KCNAB1: variants seen among roughly 807,000 people sequenced by gnomAD.
KCNAB1 encodes voltage-gated potassium channel subunit beta-1.
Under a neutral mutation model 64.6 loss-of-function variants are expected in KCNAB1, and 35 were observed. The observed-to-expected ratio is 0.54, with a 90% CI of 0.41 to 0.72. KCNAB1 has a LOEUF of 0.72. Among genes scored for constraint, KCNAB1 ranks in the 30% least tolerant of loss-of-function variants. The pLI is 0.00. For missense variants in KCNAB1, 401 were observed against 512.9 expected (o/e 0.78, Z 2.11); for synonymous variants, 177 against 183.8 (o/e 0.96, Z 0.30).
chr3:156,511,387 G>GCCA (rs1394972710), intron 8 of KCNAB1, among the ~76,000 whole-genome samples: 1 of 152,152 alleles, frequency 6.6e-6, no homozygotes, highest in African/African-American at 2.4e-5. Context: ...ACAGGTGTGA[G>GCCA]CCACCGTGCC....
chr3:156,147,332 T>G (rs76827244), intron 1 of KCNAB1, among the ~76,000 whole-genome samples: 3,414 of 152,320 alleles, frequency 0.022, 64 homozygotes, highest in Non-Finnish European at 0.036. Context: ...AATAATATCC[T>G]TGCAATATCC....
At chr3:156,363,821 A>G (rs916204151) in intron 1 of KCNAB1, among the ~76,000 whole-genome samples, 2 of 152,176 alleles carry the variant, frequency 1.3e-5, no homozygotes, top group African/African-American at 4.8e-5. Flanking sequence ...CAAGGCGACT[A>G]CATAAAATGG....
chr3:156,328,777 C>T (rs1052888486), intron 1 of KCNAB1, among the ~76,000 whole-genome samples: 2 of 152,132 alleles, frequency 1.3e-5, no homozygotes, highest in African/African-American at 4.8e-5. Context: ...TTAAGGATTT[C>T]CTTCCAGGGA....
intron 1 of KCNAB1, among the ~76,000 whole-genome samples, chr3:156,235,200 T>A (rs1716777206): frequency 6.6e-6 from 1 of 152,216 alleles, no homozygotes; most frequent in Admixed American, 6.5e-5. Flanking sequence ...GCTTGCCATT[T>A]ACCTTCTTTG....
chr3:156,428,575 TTTG>T (rs1715996136), intron 2 of KCNAB1, among the ~76,000 whole-genome samples: 1 of 150,810 alleles, frequency 6.6e-6, no homozygotes, highest in Admixed American at 6.6e-5. Flanking sequence ...GAGGAGAGAT[TTTG>T]TTGATTTTTT....
intron 8 of KCNAB1, among the ~76,000 whole-genome samples, chr3:156,511,997 A>G (rs887251741): frequency 6.6e-6 from 1 of 152,128 alleles, no homozygotes; most frequent in African/African-American, 2.4e-5. Context: ...CTTCACAAGG[A>G]TGGTTCCTTT....
intron 1 of KCNAB1, among the ~76,000 whole-genome samples, chr3:156,243,784 C>G (rs1358528621): frequency 6.6e-6 from 1 of 152,242 alleles, no homozygotes; most frequent in East Asian, 1.9e-4. Flanking sequence ...ATTTGGAAAG[C>G]AGAGGTAAAG....
At chr3:156,386,328 G>T (rs1466279794) in intron 1 of KCNAB1, among the ~76,000 whole-genome samples, 2 of 152,168 alleles carry the variant, frequency 1.3e-5, no homozygotes, top group Non-Finnish European at 2.9e-5. Context: ...CCTTGCCATT[G>T]ACAGGTGAGC....
intron 1 of KCNAB1, among the ~76,000 whole-genome samples, chr3:156,331,474 C>T (rs1382920178): frequency 3.3e-5 from 5 of 151,564 alleles, no homozygotes; most frequent in Non-Finnish European, 5.9e-5. Flanking sequence ...TTAAAGCTAA[C>T]GTTCAATGTA....
intron 1 of KCNAB1, among the ~76,000 whole-genome samples, chr3:156,296,476 C>CCT (rs1560180770): frequency 3.1e-4 from 34 of 111,042 alleles, no homozygotes; most frequent in East Asian, 8.5e-4. Flanking sequence ...CCCCCCCCAC[C>CCT]TTTTTTTTTT....
At chr3:156,401,206 T>A (rs987715973) in intron 1 of KCNAB1, among the ~76,000 whole-genome samples, 2 of 152,230 alleles carry the variant, frequency 1.3e-5, no homozygotes, top group Non-Finnish European at 2.9e-5. Flanking sequence ...CAAACTGAAG[T>A]AGAATGTAAA....
At chr3:156,474,105 G>C (rs2108317735) in intron 7 of KCNAB1, among the ~76,000 whole-genome samples, 1 of 152,056 alleles carries the variant, frequency 6.6e-6, no homozygotes, top group Non-Finnish European at 1.5e-5. Context: ...CAGTGTTTTT[G>C]TTTCTTCCCC....
At chr3:156,316,584 G>T (rs553726280) in intron 1 of KCNAB1, among the ~76,000 whole-genome samples, 1 of 152,320 alleles carries the variant, frequency 6.6e-6, no homozygotes, top group African/African-American at 2.4e-5. Context: ...AAAAGTGTAG[G>T]CAGAGTTAAG....
intron 1 of KCNAB1, among the ~76,000 whole-genome samples, chr3:156,185,220 T>G (rs1025082803): frequency 1.3e-5 from 2 of 152,210 alleles, no homozygotes; most frequent in Admixed American, 1.3e-4. Context: ...CCTTCAGTCT[T>G]CAGGGCTGAG....
intron 8 of KCNAB1, among the ~76,000 whole-genome samples, chr3:156,477,673 G>A (rs1194909698): frequency 2.0e-5 from 3 of 152,028 alleles, no homozygotes; most frequent in African/African-American, 7.2e-5. Context: ...TTCCAAGGTG[G>A]GCCCACTGGA....
chr3:156,311,575 T>G (rs1471213869), intron 1 of KCNAB1, among the ~76,000 whole-genome samples: 1 of 152,148 alleles, frequency 6.6e-6, no homozygotes, highest in Non-Finnish European at 1.5e-5. Flanking sequence ...GTTGCACCCA[T>G]GCGCAGACCT....
At chr3:156,343,079 A>G (rs1724249946) in intron 1 of KCNAB1, among the ~76,000 whole-genome samples, 1 of 152,174 alleles carries the variant, frequency 6.6e-6, no homozygotes, top group Non-Finnish European at 1.5e-5. Flanking sequence ...CTCCTTATTC[A>G]ATCTCTACTT....
At chr3:156,334,199 T>G (rs1021438005) in intron 1 of KCNAB1, among the ~76,000 whole-genome samples, 2 of 152,200 alleles carry the variant, frequency 1.3e-5, no homozygotes, top group Non-Finnish European at 2.9e-5. Context: ...TCTCCCTTTA[T>G]TTTAAAGGAA....
intron 1 of KCNAB1, among the ~76,000 whole-genome samples, chr3:156,372,309 T>C (rs962072182): frequency 2.0e-5 from 3 of 152,348 alleles, no homozygotes; most frequent in African/African-American, 7.2e-5. Context: ...TTACTTAATA[T>C]CTCTATCCCT....
Sources: gnomAD v4.1 joint callset for allele counts (sites outside exome capture counted in the v4.1 genomes callset) on GRCh38, gnomAD v4.1.1 for gene constraint, MANE v1.5 for transcripts, NCBI Gene and HGNC (gene_info 2026-07-23, HGNC 2026-07-21) for gene names.